STX1B: variants seen among roughly 807,000 people sequenced by gnomAD.
The protein encoded by STX1B is syntaxin 1B.
In STX1B, 7 loss-of-function variants were observed where a neutral mutation model predicts 39.4. The ratio of observed to expected loss-of-function variants is 0.18; its 90% CI spans 0.10 to 0.33. The LOEUF (loss-of-function observed/expected upper bound fraction) is 0.33, where lower values mean the gene tolerates loss of function less well. Ranked by LOEUF, STX1B falls within the 10% of genes least tolerant of loss-of-function variation. The pLI is 1.00. For missense variants in STX1B, 198 were observed against 383.2 expected (o/e 0.52, Z 4.04); for synonymous variants, 136 against 144.1 (o/e 0.94, Z 0.40).
chr16:30,992,759 G>T lies in STX1B; in HGVS notation c.*62C>A. On this transcript the variant is annotated 3_prime_UTR_variant, in exon 10 of 10. Transcript: ENST00000215095. The stretch of plus-strand genomic sequence containing the variant: ...AGCAGGGGATGGAGTGAAAGGGGTG[G>T]TGGGGGTATTGCTCCCGATGTGGTG... 3 of 1,032,366 alleles carry T rather than the reference G, an allele frequency of 2.9e-6. No individual in the cohort carries two copies. The highest frequency in any genetic ancestry group is 3.7e-5 in the Admixed American group (2 of 54,030). The allele number at this position is 1,032,366 out of a possible 1,614,324, so 64.0% of individuals were successfully genotyped here. A position where few individuals can be genotyped will look rare whatever the true frequency, so the allele number is the denominator to read the frequency against.
In STX1B at chr16:30,994,892, CTTTT is replaced by C. The variant is rs10524041; in HGVS notation, c.538-1412_538-1409del. ...TTTGGACAGTGTTCAGTCTCCCCGT[CTTTT>C]TTTTTTTTTTTTTTTTGGTTTTTGT... is the stretch of plus-strand genomic sequence containing the variant. On this transcript the variant is annotated intron_variant, in intron 7 of 9. Coordinates refer to ENST00000215095, the MANE Select transcript of STX1B (RefSeq NM_052874.5). 4.0e-3 allele frequency among the ~76,000 whole-genome samples: 401 copies of C among 99,806 alleles called. 4 individuals carry two copies. Among genetic ancestry groups the C allele is most frequent in the African/African-American group, 0.012 (327 of 27,890 alleles). The allele number at this position is 99,806 out of a possible 152,430, so 65.5% of individuals were successfully genotyped here.
At chr16:31,006,102 A>G (rs578156754) in intron 1 of STX1B, among the ~76,000 whole-genome samples, 1 of 152,218 alleles carries the variant, frequency 6.6e-6, no homozygotes, top group African/African-American at 2.4e-5. Flanking sequence ...AGTCAGAGAG[A>G]GTGTGCGTGT....
At chr16:31,010,029 C>T (rs1307408291) in intron 1 of STX1B, among the ~76,000 whole-genome samples, 5 of 152,038 alleles carry the variant, frequency 3.3e-5, no homozygotes, top group Non-Finnish European at 7.4e-5. Flanking sequence ...GCAAACCTGC[C>T]CAGGGGATGA....
chr16:30,993,449 C>T lies in STX1B; in HGVS notation c.573G>A (p.Leu191=). ...CATTGTGCCTCGTCTCAATCTCATT[C>T]AGCGCCTGCTTCGTCATCTGTGAGT... ...KMDSQMTKQA[L]NEIETRHNEI... The change falls in exon 8 of 10, where the codon CTG becomes CTA. Residue 191 remains leucine (L), a synonymous_variant. Transcript: ENST00000215095. 1 of 1,614,016 alleles carries T rather than the reference C, an allele frequency of 6.2e-7. No individual in the cohort carries two copies. The highest frequency in any genetic ancestry group is 2.2e-5 in the East Asian group (1 of 44,880).
chr16:30,992,749 G>C lies in STX1B; in HGVS notation c.*72C>G. 2 of 919,180 alleles carry C rather than the reference G, an allele frequency of 2.2e-6. No individual in the cohort carries two copies. The highest frequency in any genetic ancestry group is 3.4e-6 in the Non-Finnish European group (2 of 581,002). 56.9% of individuals were successfully genotyped at this position (919,180 alleles called of 1,614,324 possible). On this transcript the variant is annotated 3_prime_UTR_variant, in exon 10 of 10. Transcript: ENST00000215095. ...GTGAGCCTGGAGCAGGGGATGGAGT[G>C]AAAGGGGTGGTGGGGGTATTGCTCC...
chr16:31,002,473 T>C (rs1056207339), intron 1 of STX1B, among the ~76,000 whole-genome samples: 7 of 151,890 alleles, frequency 4.6e-5, no homozygotes, highest in Non-Finnish European at 1.0e-4. Flanking sequence ...GATGCTGGCG[T>C]TCACCCGCAC....
chr16:31,010,223 C>A (rs574609234), intron 1 of STX1B, 144 bp downstream of exon 1: 116 of 512,150 alleles, frequency 2.3e-4, no homozygotes, highest in Non-Finnish European at 2.8e-4. Context: ...AGACATCAGG[C>A]GCCTGAAGAT....
chr16:31,006,978 G>A (rs1240961346), intron 1 of STX1B, among the ~76,000 whole-genome samples: 3 of 152,136 alleles, frequency 2.0e-5, no homozygotes, highest in East Asian at 1.9e-4. Flanking sequence ...AGGCATGGTG[G>A]TGCGCATCTG....
At position 30,991,805 on chromosome 16, in the gene STX1B, T is replaced by C. The variant is rs2056560269; in HGVS notation, c.*1016A>G. Reference sequence around the variant, plus strand: ...ATCGCTTGCGTCAGGGAGGCACAGGTTGCAGTGAGCTGAGATTGCGCCACT... The same window carrying C: ...ATCGCTTGCGTCAGGGAGGCACAGGCTGCAGTGAGCTGAGATTGCGCCACT... On this transcript the variant is annotated 3_prime_UTR_variant, in exon 10 of 10. Transcript: ENST00000215095. 6.6e-6 allele frequency: 1 copy of C among 152,008 alleles called. No individual in the cohort carries two copies. Among genetic ancestry groups the C allele is most frequent in the Non-Finnish European group, 1.5e-5 (1 of 67,994 alleles). The allele number at this position is 152,008 out of a possible 1,614,324, so 9.4% of individuals were successfully genotyped here.
At chr16:30,998,949 A>G (rs145414676) in intron 4 of STX1B, among the ~76,000 whole-genome samples, 1 of 152,324 alleles carries the variant, frequency 6.6e-6, no homozygotes, top group East Asian at 1.9e-4. Context: ...TCAGGCAGGT[A>G]GGTGCTCCCA....
chr16:31,002,480 G>A (rs929146414), intron 1 of STX1B, among the ~76,000 whole-genome samples: 4 of 152,118 alleles, frequency 2.6e-5, no homozygotes, highest in African/African-American at 7.2e-5. Context: ...GCGTTCACCC[G>A]CACGCAGACT....
At chr16:30,997,141 G>T in intron 5 of STX1B, 82 bp from the exon 6 acceptor site, 1 of 931,718 alleles carries the variant, frequency 1.1e-6, no homozygotes. Flanking sequence ...GACCGAGGCA[G>T]GTGAGGAGGC....
rs1387171669 is a variant in STX1B at position 30,989,601 on chromosome 16, C to CA, written c.*3219dup. On this transcript the variant is annotated 3_prime_UTR_variant, in exon 10 of 10. Coordinates refer to ENST00000215095, the MANE Select transcript of STX1B (RefSeq NM_052874.5). ...CAGCAAACACGGCTACATCACGTGACACGCCAGTGACACAGAAACACACGC... is the reference window on the plus strand; with the variant it reads ...CAGCAAACACGGCTACATCACGTGACAACGCCAGTGACACAGAAACACACGC... 2 of 152,316 alleles carry CA rather than the reference C, an allele frequency of 1.3e-5. No individual in the cohort carries two copies. The highest frequency in any genetic ancestry group is 4.8e-5 in the African/African-American group (2 of 41,424). The allele number at this position is 152,316 out of a possible 1,614,324, so 9.4% of individuals were successfully genotyped here. A position where few individuals can be genotyped will look rare whatever the true frequency, so the allele number is the denominator to read the frequency against.
intron 4 of STX1B, among the ~76,000 whole-genome samples, chr16:31,000,718 C>T (rs562947860): frequency 2.0e-5 from 3 of 152,094 alleles, no homozygotes; most frequent in East Asian, 1.9e-4. Flanking sequence ...TCTTGAACTC[C>T]GGACCTCGTG....
At chr16:31,006,118 C>CGT (rs1046234684) in intron 1 of STX1B, among the ~76,000 whole-genome samples, 26 of 151,980 alleles carry the variant, frequency 1.7e-4, no homozygotes, top group Non-Finnish European at 1.2e-4. Flanking sequence ...CGTGTGTGTA[C>CGT]GTGTGTGTGT....
chr16:31,003,515 C>T (rs1161703489), intron 1 of STX1B, among the ~76,000 whole-genome samples: 1 of 152,228 alleles, frequency 6.6e-6, no homozygotes, highest in African/African-American at 2.4e-5. Flanking sequence ...ACCACTCACT[C>T]AGCCACCAGC....
At chr16:31,010,300 C>CG in intron 1 of STX1B, 67 bp downstream of exon 1, 1 of 1,008,720 alleles carries the variant, frequency 9.9e-7, no homozygotes, top group Non-Finnish European at 1.4e-6. Context: ...ACCTCCCCCA[C>CG]TCCATCCCCA....
chr16:31,001,897 T>C lies in STX1B; in HGVS notation c.31-294A>G, dbSNP rs2056632026. Among the ~76,000 whole-genome samples, 1 of 152,058 alleles carries C rather than the reference T, an allele frequency of 6.6e-6. No homozygotes were observed. Among genetic ancestry groups the C allele is most frequent in the Admixed American group, 6.5e-5 (1 of 15,270 alleles). ...AGCCAATAGGGATGATTTCAATATT[T>C]CAACAACGGCTCAACGTCAGGCTTG... On this transcript the variant is annotated intron_variant, in intron 1 of 9. Transcript: ENST00000215095. This position sits in a 1 kb window ranked among gnomAD's most constrained non-coding sequence, Gnocchi z 5.5.
At chr16:30,996,778 T>A in intron 6 of STX1B, 22 bp from the exon 7 acceptor site, 1 of 1,612,086 alleles carries the variant, frequency 6.2e-7, no homozygotes, top group Non-Finnish European at 8.5e-7. Context: ...AAGGACTCCC[T>A]GCTCGGGGGC....
Sources: gnomAD v4.1 joint callset for allele counts (sites outside exome capture counted in the v4.1 genomes callset) on GRCh38, gnomAD v4.1.1 for gene constraint, Gnocchi (gnomAD v3.1) non-coding constraint, MANE v1.5 for transcripts, NCBI Gene and HGNC (gene_info 2026-07-23, HGNC 2026-07-21) for gene names.